Variants in ANO10 observed in about 807,000 individuals in gnomAD.
The protein encoded by ANO10 is anoctamin 10, also known as anoctamin-10.
ANO10 carries 77 observed loss-of-function variants against 74.7 expected under a neutral mutation model. That is an observed-to-expected ratio of 1.03 (90% CI 0.86 to 1.25). ANO10 has a LOEUF of 1.25. ANO10 is among the 50% of genes most tolerant of loss of function. The probability of loss-of-function intolerance (pLI) is 0.00; values close to 1 mark genes in which losing one functional copy is unlikely to be tolerated. For synonymous variants in ANO10, 279 were observed against 284.9 expected (o/e 0.98, Z 0.21); for missense variants, 721 against 778.1 (o/e 0.93, Z 0.87).
intron 11 of ANO10, among the ~76,000 whole-genome samples, chr3:43,534,001 C>T (rs2149256509): frequency 6.6e-6 from 1 of 152,250 alleles, no homozygotes; most frequent in African/African-American, 2.4e-5. Flanking sequence ...TTAAATATGC[C>T]TGGAAGCAAA....
At chr3:43,616,421 A>G (rs1370105587) in intron 1 of ANO10, among the ~76,000 whole-genome samples, 1 of 152,200 alleles carries the variant, frequency 6.6e-6, no homozygotes, top group Non-Finnish European at 1.5e-5. Flanking sequence ...TGCCCTCATC[A>G]TCAAAAAATA....
chr3:43,651,720 T>C (rs1324802219), intron 1 of ANO10, among the ~76,000 whole-genome samples: 1 of 152,200 alleles, frequency 6.6e-6, no homozygotes, highest in Non-Finnish European at 1.5e-5. Context: ...CTTCAACCAT[T>C]CTATGTTGAA....
chr3:43,676,562 T>C (rs1375990630), intron 1 of ANO10, among the ~76,000 whole-genome samples: 1 of 152,176 alleles, frequency 6.6e-6, no homozygotes, highest in Non-Finnish European at 1.5e-5. Context: ...TTGGGTTGTA[T>C]GTGCAGGAGG....
At chr3:43,513,234 C>A (rs2077577872) in intron 11 of ANO10, among the ~76,000 whole-genome samples, 1 of 152,156 alleles carries the variant, frequency 6.6e-6, no homozygotes, top group Non-Finnish European at 1.5e-5. Flanking sequence ...ACCAGAAAAT[C>A]TAACTCAGGG....
intron 12 of ANO10, among the ~76,000 whole-genome samples, chr3:43,374,078 A>G (rs1463618431): frequency 1.3e-5 from 2 of 152,176 alleles, no homozygotes; most frequent in Non-Finnish European, 2.9e-5. Context: ...GAGTGGACGC[A>G]CCCATCTAGA....
At chr3:43,456,965 A>T (rs1055237886) in intron 11 of ANO10, among the ~76,000 whole-genome samples, 1 of 152,196 alleles carries the variant, frequency 6.6e-6, no homozygotes, top group Non-Finnish European at 1.5e-5. Flanking sequence ...ATGACAATGC[A>T]CCCAACAGTA....
intron 10 of ANO10, among the ~76,000 whole-genome samples, chr3:43,553,160 A>G (rs971494202): frequency 6.6e-6 from 1 of 152,204 alleles, no homozygotes; most frequent in Admixed American, 6.5e-5. Flanking sequence ...TGGCCTCCAT[A>G]GCTTCCAATA....
chr3:43,656,489 C>T (rs1049941074), intron 1 of ANO10, among the ~76,000 whole-genome samples: 11 of 152,172 alleles, frequency 7.2e-5, no homozygotes, highest in Middle Eastern at 3.4e-3. Flanking sequence ...TGGTACTCGT[C>T]GGGGAGGCTC....
chr3:43,500,348 C>T (rs1172627165), intron 11 of ANO10, among the ~76,000 whole-genome samples: 1 of 152,190 alleles, frequency 6.6e-6, no homozygotes, highest in Non-Finnish European at 1.5e-5. Context: ...CATTTGCAAG[C>T]TTCCATGCTG....
chr3:43,551,121 T>C (rs562984799), intron 10 of ANO10, among the ~76,000 whole-genome samples: 2 of 152,350 alleles, frequency 1.3e-5, no homozygotes, highest in Admixed American at 6.5e-5. Flanking sequence ...CATTTTCTTA[T>C]TGGTGGGCAT....
intron 1 of ANO10, among the ~76,000 whole-genome samples, chr3:43,656,722 G>A (rs1331532391): frequency 2.0e-5 from 3 of 152,226 alleles, no homozygotes; most frequent in Non-Finnish European, 2.9e-5. Context: ...TGCTCTGAGT[G>A]TGGGGCCCGC....
intron 11 of ANO10, among the ~76,000 whole-genome samples, chr3:43,488,944 G>A (rs1003408243): frequency 6.6e-5 from 10 of 151,126 alleles, no homozygotes; most frequent in African/African-American, 1.9e-4. Context: ...TGATAGACTG[G>A]ATTAAGAAAA....
chr3:43,691,238 A>G (rs1411081785), intron 1 of ANO10: 4 of 446,472 alleles, frequency 9.0e-6, no homozygotes, highest in Admixed American at 4.5e-5. Context: ...GGCTCCCCTC[A>G]GCGTCGGGGC....
chr3:43,494,992 G>GA lies in ANO10; in HGVS notation c.1797+54727dup, dbSNP rs551418944. ...AAAATTGTAGTAGGAAAATTTTTAG[G>GA]AAAAATTTTGCCCTATCAAATACTA... On this transcript the variant is annotated intron_variant, in intron 11 of 12. Transcript: ENST00000292246. Among the ~76,000 whole-genome samples, 43 of 151,850 alleles carry GA rather than the reference G, an allele frequency of 2.8e-4. No individual in the cohort carries two copies. In the South Asian group the frequency reaches 8.8e-3, roughly 31 times the overall value.
chr3:43,418,879 C>A (rs2092780018), intron 12 of ANO10, among the ~76,000 whole-genome samples: 1 of 152,234 alleles, frequency 6.6e-6, no homozygotes, highest in Non-Finnish European at 1.5e-5. Flanking sequence ...GTTCGGTAAA[C>A]AAAGTTTACT....
intron 1 of ANO10, among the ~76,000 whole-genome samples, chr3:43,683,057 C>T (rs2084222940): frequency 6.6e-6 from 1 of 152,154 alleles, no homozygotes; most frequent in Non-Finnish European, 1.5e-5. Context: ...TCCTATTCAA[C>T]ACAGTGTTGG....
chr3:43,455,838 G>T (rs1029782468), intron 11 of ANO10, among the ~76,000 whole-genome samples: 4 of 151,134 alleles, frequency 2.6e-5, no homozygotes. Flanking sequence ...AATATATAAA[G>T]ATATATAAAA....
At chr3:43,476,619 T>A (rs988787069) in intron 11 of ANO10, among the ~76,000 whole-genome samples, 1 of 152,226 alleles carries the variant, frequency 6.6e-6, no homozygotes, top group African/African-American at 2.4e-5. Flanking sequence ...TTTCTTGGTT[T>A]ATGGAGTTTT....
intron 12 of ANO10, among the ~76,000 whole-genome samples, chr3:43,425,200 C>CTTT (rs74270681): frequency 2.3e-5 from 3 of 131,062 alleles, no homozygotes; most frequent in Non-Finnish European, 3.3e-5. Flanking sequence ...TTTACTGTAA[C>CTTT]TTTTTTTTTT....
Sources: allele counts gnomAD v4.1 joint callset (sites outside exome capture counted in the v4.1 genomes callset), GRCh38; gene constraint gnomAD v4.1.1; transcripts MANE v1.5; gene names NCBI Gene and HGNC (gene_info 2026-07-23, HGNC 2026-07-21).